PCLO: variants seen among roughly 807,000 people sequenced by gnomAD.
PCLO encodes the protein protein piccolo.
In PCLO, 82 loss-of-function variants were observed where a neutral mutation model predicts 427.5. That is an observed-to-expected ratio of 0.19 (90% CI 0.16 to 0.23). PCLO has a LOEUF of 0.23. PCLO is among the 10% of genes least tolerant of loss of function. The pLI, the probability that PCLO is intolerant of heterozygous loss-of-function variation, is 1.00. For synonymous variants in PCLO, 2,357 were observed against 2,155.4 expected, an observed-to-expected ratio of 1.09 and a Z score of -2.59; for missense variants, 6,239 against 6,115.9, an observed-to-expected ratio of 1.02 and a Z score of -0.67.
At chr7:82,891,734 T>C in intron 9 of PCLO, among the ~76,000 whole-genome samples, 1 of 152,056 alleles carries the variant, frequency 6.6e-6, no homozygotes, top group East Asian at 1.9e-4. Flanking sequence ...TATTGAGAGT[T>C]TTTATCATGA....
intron 3 of PCLO, among the ~76,000 whole-genome samples, chr7:82,991,316 C>A (rs564608151): frequency 1.3e-5 from 2 of 151,918 alleles, no homozygotes; most frequent in East Asian, 1.9e-4. Context: ...TATCTTGTTG[C>A]GCCACTGCAC....
intron 3 of PCLO, among the ~76,000 whole-genome samples, chr7:83,129,688 G>A (rs966848166): frequency 7.9e-5 from 12 of 152,056 alleles, no homozygotes; most frequent in African/African-American, 2.7e-4. Flanking sequence ...TAAATCCTGA[G>A]TATAAGAAAA....
At chr7:83,112,277 C>T (rs1791023621) in intron 3 of PCLO, among the ~76,000 whole-genome samples, 2 of 152,022 alleles carry the variant, frequency 1.3e-5, no homozygotes, top group Admixed American at 6.6e-5. Flanking sequence ...AGGCTGGTCT[C>T]GAACTCCTGA....
At chr7:83,057,274 G>T (rs1789404193) in intron 3 of PCLO, among the ~76,000 whole-genome samples, 1 of 117,404 alleles carries the variant, frequency 8.5e-6, no homozygotes, top group Non-Finnish European at 1.6e-5. Context: ...TTGAACTCTT[G>T]ACCTCAAATG....
chr7:82,822,208 C>A, intron 20 of PCLO: 1 of 1,250,190 alleles, frequency 8.0e-7, no homozygotes, highest in Non-Finnish European at 1.0e-6. Context: ...CATTGCTTTG[C>A]TTCCAAACAT....
chr7:82,962,994 A>G (rs1795686129), intron 4 of PCLO, among the ~76,000 whole-genome samples: 1 of 152,008 alleles, frequency 6.6e-6, no homozygotes, highest in South Asian at 2.1e-4. Flanking sequence ...TGAAGATTTG[A>G]TCCTTTCTTA....
intron 4 of PCLO, among the ~76,000 whole-genome samples, chr7:82,962,096 A>G (rs1475506539): frequency 6.6e-6 from 1 of 152,198 alleles, no homozygotes; most frequent in Non-Finnish European, 1.5e-5. Context: ...CATTATCAGG[A>G]AAGCTATTTG....
chr7:83,004,693 G>T (rs1408207735), intron 3 of PCLO, among the ~76,000 whole-genome samples: 2 of 151,414 alleles, frequency 1.3e-5, no homozygotes, highest in African/African-American at 4.8e-5. Context: ...ATCAAACTAA[G>T]ATGTATTTTC....
At chr7:82,888,737 A>T (rs762596300) in intron 9 of PCLO, among the ~76,000 whole-genome samples, 1 of 152,150 alleles carries the variant, frequency 6.6e-6, no homozygotes, top group Non-Finnish European at 1.5e-5. Flanking sequence ...CTAGCTTTGT[A>T]TATACTCTGG....
At chr7:82,947,540 T>C (rs773876269) in intron 6 of PCLO, among the ~76,000 whole-genome samples, 2 of 152,170 alleles carry the variant, frequency 1.3e-5, no homozygotes, top group Non-Finnish European at 2.9e-5. Context: ...CTTAGACTCA[T>C]AGTCTCTAGA....
Position 82,950,618 on chromosome 7 carries a change from C to G in PCLO, c.9970G>C (p.Gly3324Arg). ...QIYQYNYDPS[G>R]TASPQTTTEQ... ...GTAGTGGTTTGTGGAGAAGCAGTTC[C>G]AGAAGGGTCATAGTTATACTGGTAG... Residue 3324 changes from glycine (G) to arginine (R), a missense_variant, in exon 6 of 25, where the codon GGA becomes CGA. Coordinates refer to ENST00000333891, the MANE Select transcript of PCLO (RefSeq NM_033026.6). The G allele has an allele frequency of 6.2e-7, 1 of 1,613,842 alleles. No individual in the cohort carries two copies. The highest frequency in any genetic ancestry group is 2.2e-5 in the East Asian group (1 of 44,836).
intron 10 of PCLO, among the ~76,000 whole-genome samples, chr7:82,853,530 A>T (rs1792722230): frequency 6.6e-6 from 1 of 152,154 alleles, no homozygotes; most frequent in South Asian, 2.1e-4. Flanking sequence ...TAAAAACTAT[A>T]ATTTTTTTAA....
chr7:83,024,784 G>C (rs994559962), intron 3 of PCLO, among the ~76,000 whole-genome samples: 6 of 152,192 alleles, frequency 3.9e-5, no homozygotes, highest in Non-Finnish European at 7.3e-5. Flanking sequence ...GCCTCCTCAA[G>C]TGGGTCCCTG....
At chr7:83,088,546 G>C in intron 3 of PCLO, among the ~76,000 whole-genome samples, 1 of 152,144 alleles carries the variant, frequency 6.6e-6, no homozygotes, top group South Asian at 2.1e-4. Context: ...GTAGCCGACT[G>C]GTACACAGAA....
chr7:83,148,514 C>CTT (rs1006021144), intron 2 of PCLO, among the ~76,000 whole-genome samples: 1 of 151,970 alleles, frequency 6.6e-6, no homozygotes, highest in African/African-American at 2.4e-5. Context: ...TAAGTAAATA[C>CTT]TTTTTTTTCT....
chr7:82,804,566 AC>A (rs945085898), intron 21 of PCLO, among the ~76,000 whole-genome samples: 6 of 152,092 alleles, frequency 3.9e-5, no homozygotes, highest in African/African-American at 1.2e-4. Context: ...AATGAAAAAG[AC>A]CCTTTCACAA....
At chr7:82,903,172 GAGA>G (rs1406444504) in intron 8 of PCLO, among the ~76,000 whole-genome samples, 3 of 151,916 alleles carry the variant, frequency 2.0e-5, no homozygotes, top group African/African-American at 7.2e-5. Context: ...AGAAAAAATA[GAGA>G]AGATCCCCCT....
chr7:82,774,987 G>T (rs527959780), intron 22 of PCLO, among the ~76,000 whole-genome samples: 1 of 152,210 alleles, frequency 6.6e-6, no homozygotes, highest in East Asian at 1.9e-4. Context: ...TAGTTGAAAC[G>T]AAGTAGATAT....
chr7:82,928,956 A>T (rs1794777511), intron 6 of PCLO, among the ~76,000 whole-genome samples: 1 of 152,150 alleles, frequency 6.6e-6, no homozygotes, highest in Non-Finnish European at 1.5e-5. Flanking sequence ...TAAATAAGAG[A>T]GAAAGTAAAA....
Sources: allele counts gnomAD v4.1 joint callset (sites outside exome capture counted in the v4.1 genomes callset), GRCh38; gene constraint gnomAD v4.1.1; transcripts MANE v1.5; gene names NCBI Gene and HGNC (gene_info 2026-07-23, HGNC 2026-07-21).